The following ADAMTSL3 variants were observed in gnomAD, a reference collection of about 807,000 sequenced individuals.
ADAMTSL3 encodes the protein ADAMTS like 3.
A neutral mutation model predicts 201.7 loss-of-function variants in ADAMTSL3; 128 were observed. That is an observed-to-expected ratio of 0.63 (90% CI 0.55 to 0.73). ADAMTSL3 has a LOEUF of 0.73. Among genes scored for constraint, ADAMTSL3 ranks in the 30% least tolerant of loss-of-function variants. The pLI, the probability that ADAMTSL3 is intolerant of heterozygous loss-of-function variation, is 0.00. For synonymous variants in ADAMTSL3, 738 were observed against 748.4 expected, an observed-to-expected ratio of 0.99 and a Z score of 0.23; for missense variants, 1,990 against 2,119.6, an observed-to-expected ratio of 0.94 and a Z score of 1.20.
intron 3 of ADAMTSL3, among the ~76,000 whole-genome samples, chr15:83,713,637 AT>A (rs2061961999): frequency 6.6e-6 from 1 of 152,200 alleles, no homozygotes; most frequent in Non-Finnish European, 1.5e-5. Flanking sequence ...AGGTAAGTTA[AT>A]TTGCTGGCCA....
chr15:83,952,368 T>A (rs1166356179), intron 19 of ADAMTSL3, among the ~76,000 whole-genome samples: 1 of 152,214 alleles, frequency 6.6e-6, no homozygotes, highest in East Asian at 1.9e-4. Context: ...TCTGTAGGGC[T>A]GAACATATGG....
intron 4 of ADAMTSL3, among the ~76,000 whole-genome samples, chr15:83,782,652 T>A (rs74767513): frequency 0.078 from 11,848 of 151,992 alleles, 537 homozygotes; most frequent in East Asian, 0.18. Context: ...TGTCATCACT[T>A]AAAAGTGGAA....
At chr15:83,656,849 A>G (rs2061091649) in intron 2 of ADAMTSL3, among the ~76,000 whole-genome samples, 1 of 152,236 alleles carries the variant, frequency 6.6e-6, no homozygotes. Flanking sequence ...ATGAAGATAT[A>G]TACCCTGGGA....
chr15:83,900,814 A>G (rs1355844907), intron 15 of ADAMTSL3, among the ~76,000 whole-genome samples: 3 of 152,192 alleles, frequency 2.0e-5, no homozygotes, highest in South Asian at 4.1e-4. Context: ...TCTATGCCCC[A>G]TCCCATGTGA....
At chr15:83,958,689 A>G (rs2066902486) in intron 19 of ADAMTSL3, among the ~76,000 whole-genome samples, 1 of 152,232 alleles carries the variant, frequency 6.6e-6, no homozygotes, top group South Asian at 2.1e-4. Context: ...AGATGAAAAT[A>G]TACTCAGTGT....
chr15:83,884,173 G>A (rs192400834), intron 9 of ADAMTSL3, among the ~76,000 whole-genome samples: 157 of 152,044 alleles, frequency 1.0e-3, no homozygotes, highest in African/African-American at 3.4e-3. Flanking sequence ...GATTATAGGC[G>A]TGAGCCACTG....
rs570116293 is a variant in ADAMTSL3 at position 83,832,840 on chromosome 15, A to C, written c.601-5249A>C. Among the ~76,000 whole-genome samples, 11 of 152,332 alleles carry C rather than the reference A, an allele frequency of 7.2e-5. No individual in the cohort carries two copies. In the South Asian group the frequency reaches 8.3e-4, roughly 11 times the overall value. On this transcript the variant is annotated intron_variant, in intron 6 of 29. Transcript: ENST00000286744. ...CTGAGCACAGCAGACAGCCTGAGAC[A>C]GTGGTGCTCACTGAATGAAATTTGC... is the stretch of plus-strand genomic sequence containing the variant.
chr15:83,904,822 G>C (rs1008334125), intron 15 of ADAMTSL3, among the ~76,000 whole-genome samples: 11 of 152,184 alleles, frequency 7.2e-5, no homozygotes, highest in Admixed American at 2.6e-4. Flanking sequence ...GGTGGACTTA[G>C]TTAGCACACC....
intron 16 of ADAMTSL3, among the ~76,000 whole-genome samples, chr15:83,920,176 G>A (rs1462659164): frequency 6.6e-6 from 1 of 152,204 alleles, no homozygotes; most frequent in Non-Finnish European, 1.5e-5. Flanking sequence ...AACAAAGATT[G>A]CATTGGCCCA....
chr15:84,010,434 G>A (rs1207532652), intron 23 of ADAMTSL3, among the ~76,000 whole-genome samples: 1 of 152,172 alleles, frequency 6.6e-6, no homozygotes, highest in Non-Finnish European at 1.5e-5. Flanking sequence ...TCACGCTGAT[G>A]TATCTTTGGG....
At chr15:83,820,592 G>A (rs1358917033) in intron 6 of ADAMTSL3, among the ~76,000 whole-genome samples, 1 of 152,208 alleles carries the variant, frequency 6.6e-6, no homozygotes, top group African/African-American at 2.4e-5. Flanking sequence ...AGTAATACTA[G>A]AGAGTCTCTT....
intron 2 of ADAMTSL3, among the ~76,000 whole-genome samples, chr15:83,697,702 A>G (rs565536741): frequency 2.0e-5 from 3 of 152,320 alleles, no homozygotes; most frequent in Non-Finnish European, 4.4e-5. Flanking sequence ...CTCCAGGCAC[A>G]CAGATATGTT....
Position 83,915,454 on chromosome 15 carries a change from A to G in ADAMTSL3, c.1987+2076A>G, listed in dbSNP as rs1389359658. On this transcript the variant is annotated intron_variant, in intron 16 of 29. Coordinates refer to ENST00000286744, the MANE Select transcript of ADAMTSL3 (RefSeq NM_207517.3). ...TCTCAGTACCCACTGAGATGGCCCT[A>G]GATTCCACCTCTAGGATGGCTGAAC... 2.0e-5 allele frequency among the ~76,000 whole-genome samples: 3 copies of G among 151,666 alleles called. No individual in the cohort carries two copies. In the South Asian group the frequency reaches 6.2e-4, roughly 32 times the overall value.
intron 16 of ADAMTSL3, among the ~76,000 whole-genome samples, chr15:83,913,623 A>G (rs909874388): frequency 1.3e-5 from 2 of 152,104 alleles, no homozygotes; most frequent in Non-Finnish European, 2.9e-5. Context: ...GAGAATCTGC[A>G]TGACTGAGAT....
chr15:83,787,873 G>A (rs1355244517), intron 4 of ADAMTSL3, among the ~76,000 whole-genome samples: 1 of 150,204 alleles, frequency 6.7e-6, no homozygotes, highest in Non-Finnish European at 1.5e-5. Flanking sequence ...CTGTCTTCCA[G>A]TCCCATACCC....
At chr15:83,877,442 AC>A (rs1468523206) in intron 9 of ADAMTSL3, among the ~76,000 whole-genome samples, 6 of 152,090 alleles carry the variant, frequency 3.9e-5, no homozygotes, top group Non-Finnish European at 5.9e-5. Flanking sequence ...GTATTTATGG[AC>A]CCTACTTTGT....
intron 13 of ADAMTSL3, among the ~76,000 whole-genome samples, chr15:83,896,763 A>G (rs1453254917): frequency 6.6e-6 from 1 of 152,106 alleles, no homozygotes; most frequent in Non-Finnish European, 1.5e-5. Flanking sequence ...GTCCATTCTC[A>G]CACTGCTGTA....
At chr15:84,000,528 G>A (rs527832587) in intron 23 of ADAMTSL3, among the ~76,000 whole-genome samples, 2 of 152,202 alleles carry the variant, frequency 1.3e-5, no homozygotes, top group Non-Finnish European at 2.9e-5. Context: ...ACTAAGCCCA[G>A]TCTAGTTCCT....
intron 7 of ADAMTSL3, among the ~76,000 whole-genome samples, chr15:83,856,165 CTTTT>C (rs201506032): frequency 2.1e-5 from 3 of 141,268 alleles, no homozygotes; most frequent in Non-Finnish European, 3.1e-5. Context: ...CTTTCCTTTC[CTTTT>C]TTTTTTTTTT....
Sources: gnomAD v4.1 joint callset for allele counts (sites outside exome capture counted in the v4.1 genomes callset) on GRCh38, gnomAD v4.1.1 for gene constraint, MANE v1.5 for transcripts, NCBI Gene and HGNC (gene_info 2026-07-23, HGNC 2026-07-21) for gene names.